Variants in CSMD1 observed in about 807,000 individuals in gnomAD.
CSMD1 encodes the protein CUB and Sushi multiple domains 1.
A neutral mutation model predicts 417.5 loss-of-function variants in CSMD1; 213 were observed. The ratio of observed to expected loss-of-function variants is 0.51; its 90% CI spans 0.46 to 0.57. CSMD1 has a LOEUF of 0.57. Ranked by LOEUF, CSMD1 falls within the 20% of genes least tolerant of loss-of-function variation. The probability of loss-of-function intolerance (pLI) is 0.00; values close to 1 mark genes in which losing one functional copy is unlikely to be tolerated. For synonymous variants in CSMD1, 2,862 were observed against 1,736.8 expected (o/e 1.65, Z -16.11); for missense variants, 6,923 against 4,529.7 (o/e 1.53, Z -15.17).
intron 10 of CSMD1, among the ~76,000 whole-genome samples, chr8:3,529,354 A>T (rs987667241): frequency 5.9e-5 from 9 of 152,222 alleles, no homozygotes; most frequent in Non-Finnish European, 1.2e-4. Context: ...TACTAAATCA[A>T]TTCAAGAAAG....
intron 3 of CSMD1, among the ~76,000 whole-genome samples, chr8:4,418,311 G>A (rs562087503): frequency 6.4e-4 from 97 of 152,166 alleles, no homozygotes; most frequent in African/African-American, 2.3e-3. Flanking sequence ...ATCTTTTGGA[G>A]TAACAAAGAA....
rs1802367674 is a variant in CSMD1 at position 3,620,429 on chromosome 8, T to C, written c.1010-3632A>G. Among the ~76,000 whole-genome samples the C allele has an allele frequency of 2.6e-5, 4 of 152,262 alleles. No individual in the cohort carries two copies. In the South Asian group the frequency reaches 6.2e-4, roughly 24 times the overall value. ...ACTTAAAACCCCCATGTTCATTTCC[T>C]ACAGTATTTAAAGATAAATGCATAA... On this transcript the variant is annotated intron_variant, in intron 7 of 69. Coordinates refer to ENST00000635120, the MANE Select transcript of CSMD1 (RefSeq NM_033225.6).
intron 10 of CSMD1, among the ~76,000 whole-genome samples, chr8:3,552,136 T>G (rs1248637676): frequency 6.6e-6 from 1 of 152,198 alleles, no homozygotes; most frequent in Non-Finnish European, 1.5e-5. Flanking sequence ...GCACTTTGAA[T>G]TCATCCCATC....
chr8:3,029,285 C>T (rs562000066), intron 51 of CSMD1, 34 bp downstream of exon 51: 42 of 1,554,844 alleles, frequency 2.7e-5, no homozygotes, highest in African/African-American at 9.7e-5. Flanking sequence ...TCTAGGATGC[C>T]GTGACTTTCA....
chr8:4,789,583 T>A (rs1797586404), intron 1 of CSMD1, among the ~76,000 whole-genome samples: 1 of 152,132 alleles, frequency 6.6e-6, no homozygotes, highest in Non-Finnish European at 1.5e-5. Flanking sequence ...GCACCCTAGG[T>A]TTGGGAATAA....
chr8:4,916,037 C>G (rs78356744), intron 1 of CSMD1, among the ~76,000 whole-genome samples: 2,558 of 152,274 alleles, frequency 0.017, 84 homozygotes, highest in African/African-American at 0.059. Flanking sequence ...ATAGAATACA[C>G]TAGATTTGCC....
intron 3 of CSMD1, among the ~76,000 whole-genome samples, chr8:4,215,032 G>T (rs1446266064): frequency 6.6e-6 from 1 of 152,152 alleles, no homozygotes; most frequent in Non-Finnish European, 1.5e-5. Context: ...CAGTTTTAAT[G>T]ATTTCTTCCA....
intron 5 of CSMD1, among the ~76,000 whole-genome samples, chr8:3,884,340 T>G (rs371453113): frequency 1.3e-5 from 2 of 152,200 alleles, no homozygotes; most frequent in Non-Finnish European, 2.9e-5. Flanking sequence ...TTGCATAAAG[T>G]AATCAACTGA....
chr8:4,045,517 T>A (rs1266576174), intron 3 of CSMD1, among the ~76,000 whole-genome samples: 3 of 152,132 alleles, frequency 2.0e-5, no homozygotes, highest in African/African-American at 7.2e-5. Flanking sequence ...TCCAGGGACA[T>A]CATGGGGCCC....
At chr8:4,747,008 G>A (rs559589193) in intron 1 of CSMD1, among the ~76,000 whole-genome samples, 15 of 152,164 alleles carry the variant, frequency 9.9e-5, no homozygotes, top group Non-Finnish European at 1.8e-4. Context: ...CTCGTGAGAA[G>A]GCGGTTCAGA....
intron 3 of CSMD1, among the ~76,000 whole-genome samples, chr8:4,275,329 G>C (rs886446903): frequency 3.9e-5 from 6 of 152,222 alleles, no homozygotes; most frequent in South Asian, 2.1e-4. Flanking sequence ...TAAAGCTTCT[G>C]TGTTGTGTAT....
At chr8:4,061,338 G>C (rs1216748590) in intron 3 of CSMD1, among the ~76,000 whole-genome samples, 1 of 152,174 alleles carries the variant, frequency 6.6e-6, no homozygotes, top group Admixed American at 6.5e-5. Flanking sequence ...TAAAAATTCA[G>C]AGACAAAGAA....
At chr8:3,124,581 G>A (rs952723628) in intron 41 of CSMD1, among the ~76,000 whole-genome samples, 9 of 152,182 alleles carry the variant, frequency 5.9e-5, no homozygotes, top group African/African-American at 1.9e-4. Flanking sequence ...GAGAGTTTCA[G>A]AAGAGAGATG....
rs10081533 is a variant in CSMD1, at chr8:4,779,355, G to T, written c.86-141797C>A. Among the ~76,000 whole-genome samples, 373 of 152,144 alleles carry T rather than the reference G, an allele frequency of 2.5e-3. 3 individuals carry two copies. Among genetic ancestry groups the T allele is most frequent in the African/African-American group, 8.3e-3 (343 of 41,480 alleles). ...GAAACTAACTCGAACTGGCTCAAAGGATAATTTTTTACAGAAGAGTTCATA... is the reference window on the plus strand; with the variant it reads ...GAAACTAACTCGAACTGGCTCAAAGTATAATTTTTTACAGAAGAGTTCATA... On this transcript the variant is annotated intron_variant, in intron 1 of 69. Coordinates refer to ENST00000635120, the MANE Select transcript of CSMD1 (RefSeq NM_033225.6).
rs200378822 is a variant in CSMD1, at chr8:4,045,169, G to A, written c.416-13070C>T. Among the ~76,000 whole-genome samples the A allele has an allele frequency of 2.6e-4, 39 of 152,226 alleles. No homozygotes were observed. The East Asian group carries it at 6.8e-3, about 27-fold the overall frequency. On this transcript the variant is annotated intron_variant, in intron 3 of 69. Coordinates refer to ENST00000635120, the MANE Select transcript of CSMD1 (RefSeq NM_033225.6). ...CAGCGGCCACGCAGTCGTGGGCTGG[G>A]GTACCGGGTGCTGAGGTACTCATCT...
chr8:4,888,575 C>G (rs1352225153), intron 1 of CSMD1, among the ~76,000 whole-genome samples: 1 of 151,930 alleles, frequency 6.6e-6, no homozygotes, highest in Non-Finnish European at 1.5e-5. Context: ...TGTACCCTAA[C>G]TCTATCTGCT....
At chr8:4,067,694 T>C (rs970525604) in intron 3 of CSMD1, among the ~76,000 whole-genome samples, 2 of 152,208 alleles carry the variant, frequency 1.3e-5, no homozygotes, top group Non-Finnish European at 2.9e-5. Context: ...CTGTGGAATA[T>C]TAAACTTTCC....
At chr8:3,262,647 TAGAC>T (rs917679722) in intron 26 of CSMD1, among the ~76,000 whole-genome samples, 4 of 152,102 alleles carry the variant, frequency 2.6e-5, no homozygotes, top group African/African-American at 9.7e-5. Flanking sequence ...AGTAGAGGTA[TAGAC>T]AGAATAAGTG....
At chr8:4,033,130 G>GAA (rs58668077) in intron 3 of CSMD1, among the ~76,000 whole-genome samples, 3,309 of 80,192 alleles carry the variant, frequency 0.041, 138 homozygotes, top group African/African-American at 0.081. Context: ...TTTCCAATAT[G>GAA]AAAAAAAAAA....
Sources: allele counts gnomAD v4.1 joint callset (sites outside exome capture counted in the v4.1 genomes callset), GRCh38; gene constraint gnomAD v4.1.1; transcripts MANE v1.5; gene names NCBI Gene and HGNC (gene_info 2026-07-23, HGNC 2026-07-21).